ACAA2: variants seen among roughly 807,000 people sequenced by gnomAD.
The protein encoded by ACAA2 is 3-ketoacyl-CoA thiolase, mitochondrial.
ACAA2 carries 35 observed loss-of-function variants against 44.8 expected under a neutral mutation model. The observed-to-expected ratio is 0.78, with a 90% CI of 0.60 to 1.04. The LOEUF is 1.04. Ranked by LOEUF, ACAA2 falls within the 50% of genes least tolerant of loss-of-function variation. The pLI, the probability that ACAA2 is intolerant of heterozygous loss-of-function variation, is 0.00. For missense variants in ACAA2, 468 were observed against 482.6 expected (o/e 0.97, Z 0.28); for synonymous variants, 142 against 166.5 (o/e 0.85, Z 1.13).
chr18:49,785,189 GC>G lies in ACAA2; in HGVS notation c.1109+7del. 1 of 1,606,986 alleles carries G rather than the reference GC, an allele frequency of 6.2e-7. No individual in the cohort carries two copies. Among genetic ancestry groups the G allele is most frequent in the East Asian group, 2.2e-5 (1 of 44,812 alleles). On this transcript the variant is annotated splice_region_variant and intron_variant, in intron 9 of 9. Transcript: ENST00000285093. ...CAAATCTGAAATGCAGCTATTTCTA[GC>G]AAATACCTTAATTCGTGAACCAGGT...
intron 1 of ACAA2, among the ~76,000 whole-genome samples, chr18:49,808,658 C>CG (rs2023635997): frequency 1.3e-5 from 2 of 152,042 alleles, no homozygotes; most frequent in South Asian, 4.1e-4. Flanking sequence ...AGCAGGTGTA[C>CG]GAACAGGGAG....
intron 1 of ACAA2, among the ~76,000 whole-genome samples, chr18:49,811,994 A>T (rs1186438758): frequency 1.3e-5 from 2 of 152,230 alleles, no homozygotes; most frequent in Non-Finnish European, 2.9e-5. Flanking sequence ...ATAAAATATT[A>T]AAATGATATC....
Position 49,794,262 on chromosome 18 carries a change from C to T in ACAA2, c.577+18G>A. 1 of 1,582,722 alleles carries T rather than the reference C, an allele frequency of 6.3e-7. No individual in the cohort carries two copies. The highest frequency in any genetic ancestry group is 8.6e-7 in the Non-Finnish European group (1 of 1,169,406). On this transcript the variant is annotated intron_variant, in intron 5 of 9. Coordinates refer to ENST00000285093, the MANE Select transcript of ACAA2 (RefSeq NM_006111.3). The stretch of plus-strand genomic sequence containing the variant: ...GATATTTATTCTATAGATACTGATA[C>T]TTTCCAGTTTCACTCACCAGCTTTC...
At chr18:49,807,644 A>T (rs1349873982) in intron 1 of ACAA2, among the ~76,000 whole-genome samples, 2 of 152,050 alleles carry the variant, frequency 1.3e-5, no homozygotes, top group Non-Finnish European at 2.9e-5. Flanking sequence ...CCAGCCTGGG[A>T]GACATGATGG....
chr18:49,803,045 C>G, intron 1 of ACAA2, 192 bp from the exon 2 acceptor site: 2 of 680,192 alleles, frequency 2.9e-6, no homozygotes, highest in South Asian at 1.6e-5. Flanking sequence ...ACAGTTTGAT[C>G]TTTACCTACA....
intron 3 of ACAA2, among the ~76,000 whole-genome samples, chr18:49,796,469 C>A (rs2023465823): frequency 6.6e-6 from 1 of 152,084 alleles, no homozygotes; most frequent in African/African-American, 2.4e-5. Context: ...GTTATAGAAA[C>A]AAATTAATGT....
intron 5 of ACAA2, among the ~76,000 whole-genome samples, chr18:49,792,651 T>G (rs1252271757): frequency 6.6e-6 from 1 of 152,100 alleles, no homozygotes; most frequent in Non-Finnish European, 1.5e-5. Context: ...TTTCTCCATG[T>G]TGGCCATGCT....
At chr18:49,794,593 A>C (rs541667726) in intron 4 of ACAA2, among the ~76,000 whole-genome samples, 166 bp from the exon 5 acceptor site, 2 of 152,314 alleles carry the variant, frequency 1.3e-5, no homozygotes, top group Admixed American at 6.5e-5. Context: ...AAAAACATGC[A>C]ATGTTTTTGA....
At chr18:49,794,222 A>T in intron 5 of ACAA2, 58 bp downstream of exon 5, 3 of 1,277,446 alleles carry the variant, frequency 2.3e-6, no homozygotes, top group Non-Finnish European at 3.1e-6. Flanking sequence ...AGAAATGATG[A>T]AAATATTTCC....
rs373015788 is a variant in ACAA2, at chr18:49,799,976, C to A, written c.184-2382G>T. 6.0e-5 allele frequency among the ~76,000 whole-genome samples: 9 copies of A among 150,342 alleles called. No homozygotes were observed. The East Asian group carries it at 1.2e-3, about 20-fold the overall frequency. On this transcript the variant is annotated intron_variant, in intron 2 of 9. Coordinates refer to ENST00000285093, the MANE Select transcript of ACAA2 (RefSeq NM_006111.3). Reference sequence around the variant, plus strand: ...CGTCTAAGTGAGGAGCCCCTCCGCCCGGCAGCCACCCCATCTGAGAAGTGA... The same window carrying A: ...CGTCTAAGTGAGGAGCCCCTCCGCCAGGCAGCCACCCCATCTGAGAAGTGA...
intron 1 of ACAA2, among the ~76,000 whole-genome samples, chr18:49,811,224 A>G (rs1232932922): frequency 6.6e-6 from 1 of 152,126 alleles, no homozygotes; most frequent in Non-Finnish European, 1.5e-5. Flanking sequence ...TGAGTTGACA[A>G]TACAGGAAAA....
At chr18:49,805,289 T>C (rs78558624) in intron 1 of ACAA2, among the ~76,000 whole-genome samples, 12,772 of 152,196 alleles carry the variant, frequency 0.084, 658 homozygotes, top group African/African-American at 0.15. Context: ...GCCTAAAATA[T>C]TTCTATTTCA....
At chr18:49,787,505 C>T (rs1253142045) in intron 7 of ACAA2, 144 bp from the exon 8 acceptor site, 6 of 579,100 alleles carry the variant, frequency 1.0e-5, no homozygotes, top group Non-Finnish European at 1.6e-5. Context: ...CTTGACCGTA[C>T]CTATTAAATG....
chr18:49,791,455 T>G lies in ACAA2; in HGVS notation c.883+15A>C. 11 of 1,603,288 alleles carry G rather than the reference T, an allele frequency of 6.9e-6. No homozygotes were observed. The highest frequency in any genetic ancestry group is 9.4e-6 in the Non-Finnish European group (11 of 1,173,800). ...AGAAATATTATAGAACCAGTTTGTT[T>G]TACTATAAACTTACCAATACCCATG... On this transcript the variant is annotated intron_variant, in intron 7 of 9. Transcript: ENST00000285093.
At position 49,787,297 on chromosome 18, in the gene ACAA2, C is replaced by G; in HGVS notation, c.948G>C (p.Leu316Phe). The G allele has an allele frequency of 7.2e-7, 1 of 1,383,882 alleles. No individual in the cohort carries two copies. The highest frequency in any genetic ancestry group is 1.6e-5 in the South Asian group (1 of 63,034). The allele number at this position is 1,383,882 out of a possible 1,614,324, so 85.7% of individuals were successfully genotyped here. The change falls in exon 8 of 10, where the codon TTG becomes TTC. Residue 316 changes from leucine to phenylalanine, a missense_variant. Coordinates refer to ENST00000285093, the MANE Select transcript of ACAA2 (RefSeq NM_006111.3). ...KAGLSLKDMD[L>F]VEVNEAFAPQ... ...AAAAAAAAAAAACACTTACCTCTAC[C>G]AAATCCATGTCCTTAAGACTCAGTC...
rs767375969 is a variant in ACAA2, at chr18:49,791,479, T to C, written c.874A>G (p.Met292Val). The C allele has an allele frequency of 6.2e-7, 1 of 1,611,698 alleles. No homozygotes were observed. The change falls in exon 7 of 10, where the codon ATG (methionine) becomes GTG (valine). Residue 292 changes from methionine (M) to valine (V), a missense_variant. Physicochemically the swap from Met to Val is conservative, Grantham distance 21. Coordinates refer to ENST00000285093, the MANE Select transcript of ACAA2 (RefSeq NM_006111.3). ...YFVSGCDPSI[M>V]GIGPVPAISG... ...TTTACTATAAACTTACCAATACCCA[T>C]GATAGAGGGATCACATCCAGATACA...
chr18:49,782,289 C>A lies in ACAA2; in HGVS notation c.*1558G>T, dbSNP rs928859135. On this transcript the variant is annotated 3_prime_UTR_variant, in exon 10 of 10. Coordinates refer to ENST00000285093, the MANE Select transcript of ACAA2 (RefSeq NM_006111.3). ...TCCCAAACAATAAAAGCTGGACTTG[C>A]CTGTTGCCACTAGTCCATTATCCCA... 3 of 152,138 alleles carry A rather than the reference C, an allele frequency of 2.0e-5. No individual in the cohort carries two copies. Among genetic ancestry groups the A allele is most frequent in the African/African-American group, 7.2e-5 (3 of 41,416 alleles). 9.4% of individuals were successfully genotyped at this position (152,138 alleles called of 1,614,324 possible). A position where few individuals can be genotyped will look rare whatever the true frequency, so the allele number is the denominator to read the frequency against.
intron 8 of ACAA2, chr18:49,786,572 C>T (rs1053640727): frequency 3.3e-5 from 5 of 152,162 alleles, no homozygotes; most frequent in African/African-American, 1.2e-4. Flanking sequence ...TGTGCCTACC[C>T]CTTCGCTATC....
intron 1 of ACAA2, among the ~76,000 whole-genome samples, chr18:49,806,447 CAT>C (rs1324336390): frequency 5.3e-5 from 8 of 152,148 alleles, no homozygotes; most frequent in South Asian, 2.1e-4. Flanking sequence ...CAAGGGGAGA[CAT>C]AGTTTATCAC....
Sources: allele counts gnomAD v4.1 joint callset (sites outside exome capture counted in the v4.1 genomes callset), GRCh38; gene constraint gnomAD v4.1.1; transcripts MANE v1.5; gene names NCBI Gene and HGNC (gene_info 2026-07-23, HGNC 2026-07-21).